CNTN5: variants seen among roughly 807,000 people sequenced by gnomAD.
CNTN5 encodes the protein contactin 5.
Under a neutral mutation model 129.1 loss-of-function variants are expected in CNTN5, and 77 were observed. The observed-to-expected ratio is 0.60, with a 90% CI of 0.50 to 0.72. CNTN5 has a LOEUF of 0.72. CNTN5 is among the 30% of genes least tolerant of loss of function. The probability of loss-of-function intolerance (pLI) is 0.00; values close to 1 mark genes in which losing one functional copy is unlikely to be tolerated. For synonymous variants in CNTN5, 509 were observed against 465.6 expected, an observed-to-expected ratio of 1.09 and a Z score of -1.20; for missense variants, 1,478 against 1,328.8, an observed-to-expected ratio of 1.11 and a Z score of -1.75.
chr11:99,697,243 G>C (rs1001312173), intron 3 of CNTN5, among the ~76,000 whole-genome samples: 7 of 151,834 alleles, frequency 4.6e-5, no homozygotes, highest in African/African-American at 1.7e-4. Context: ...TCTTCTGTGT[G>C]TTGTACATAG....
chr11:99,734,183 T>C (rs7104324), intron 3 of CNTN5, among the ~76,000 whole-genome samples: 84,536 of 152,028 alleles, frequency 0.56, 23,749 homozygotes, highest in East Asian at 0.77. Flanking sequence ...GTAATAATCA[T>C]ATCAGAGTCA....
At chr11:99,055,377 C>T (rs2135189683) in intron 1 of CNTN5, among the ~76,000 whole-genome samples, 1 of 152,124 alleles carries the variant, frequency 6.6e-6, no homozygotes, top group African/African-American at 2.4e-5. Flanking sequence ...TTCCTCTAAA[C>T]AAGAAAGAGA....
chr11:99,583,277 C>T (rs1949677459), intron 3 of CNTN5, among the ~76,000 whole-genome samples: 1 of 152,192 alleles, frequency 6.6e-6, no homozygotes, highest in Non-Finnish European at 1.5e-5. Flanking sequence ...GGTCAGGGAC[C>T]CACTTGAGGA....
chr11:100,053,142 A>G (rs1030654105), intron 9 of CNTN5, among the ~76,000 whole-genome samples: 1 of 151,688 alleles, frequency 6.6e-6, no homozygotes, highest in South Asian at 2.1e-4. Context: ...TTTTCTATGT[A>G]TTCTACAAAT....
chr11:100,354,298 A>G (rs939462799), intron 24 of CNTN5, among the ~76,000 whole-genome samples: 6 of 151,690 alleles, frequency 4.0e-5, no homozygotes, highest in Non-Finnish European at 7.4e-5. Context: ...TCCTGATGTT[A>G]GTATCTAAAA....
intron 7 of CNTN5, among the ~76,000 whole-genome samples, chr11:99,939,220 T>C (rs1229295445): frequency 6.6e-6 from 1 of 152,136 alleles, no homozygotes; most frequent in South Asian, 2.1e-4. Context: ...AGATCACAAG[T>C]ACCTTAAATA....
At chr11:99,184,729 T>C (rs1858251325) in intron 1 of CNTN5, among the ~76,000 whole-genome samples, 1 of 152,034 alleles carries the variant, frequency 6.6e-6, no homozygotes, top group Non-Finnish European at 1.5e-5. Flanking sequence ...TTAGAAACAA[T>C]GAACATCTGA....
intron 1 of CNTN5, among the ~76,000 whole-genome samples, chr11:99,114,201 G>A (rs1591213229): frequency 7.6e-6 from 1 of 131,274 alleles, no homozygotes; most frequent in East Asian, 2.5e-4. Context: ...TGTCTTTCTA[G>A]CTCTGCAGTA....
At chr11:100,220,185 G>C (rs1307170716) in intron 15 of CNTN5, among the ~76,000 whole-genome samples, 1 of 151,988 alleles carries the variant, frequency 6.6e-6, no homozygotes, top group Non-Finnish European at 1.5e-5. Context: ...GCTAAGGCAG[G>C]AGAATGGTGC....
intron 13 of CNTN5, among the ~76,000 whole-genome samples, chr11:100,153,231 T>G (rs184480446): frequency 6.6e-6 from 1 of 152,150 alleles, no homozygotes; most frequent in Non-Finnish European, 1.5e-5. Context: ...GATTGCATCA[T>G]TAACATTATT....
At chr11:99,044,461 C>T (rs906096700) in intron 1 of CNTN5, among the ~76,000 whole-genome samples, 1 of 152,094 alleles carries the variant, frequency 6.6e-6, no homozygotes, top group African/African-American at 2.4e-5. Flanking sequence ...CAAAAATGAG[C>T]AGTCTAGTCC....
chr11:99,393,465 T>C (rs1487696465), intron 2 of CNTN5, among the ~76,000 whole-genome samples: 3 of 151,776 alleles, frequency 2.0e-5, no homozygotes, highest in African/African-American at 7.2e-5. Context: ...TGGTAGGTAG[T>C]GTTGTCACCT....
chr11:99,816,009 C>G (rs2135537840), intron 3 of CNTN5, among the ~76,000 whole-genome samples: 1 of 152,238 alleles, frequency 6.6e-6, no homozygotes, highest in Non-Finnish European at 1.5e-5. Context: ...GAGCCTTCAA[C>G]TACACTGCCC....
chr11:100,032,722 G>C (rs1479889554), intron 9 of CNTN5, among the ~76,000 whole-genome samples: 1 of 152,066 alleles, frequency 6.6e-6, no homozygotes, highest in Non-Finnish European at 1.5e-5. Context: ...ACATTTGGGG[G>C]AAAGAAATTC....
Position 100,289,657 on chromosome 11 carries a change from C to T in CNTN5, c.2315-7968C>T, listed in dbSNP as rs370837147. Among the ~76,000 whole-genome samples, 143 of 151,136 alleles carry T rather than the reference C, an allele frequency of 9.5e-4. 2 individuals are homozygous for T. In the East Asian group the frequency reaches 0.01, roughly 11 times the overall value. ...GACAAACCCACAGCCAATATCATAC[C>T]GAATGGGCAAAAACTGGAAGCATTC... On this transcript the variant is annotated intron_variant, in intron 18 of 24. Transcript: ENST00000524871.
At chr11:99,742,511 T>G (rs1661907554) in intron 3 of CNTN5, among the ~76,000 whole-genome samples, 1 of 152,148 alleles carries the variant, frequency 6.6e-6, no homozygotes, top group African/African-American at 2.4e-5. Context: ...TAAATAGAGT[T>G]GTGGTAAGAA....
intron 9 of CNTN5, among the ~76,000 whole-genome samples, chr11:100,043,683 C>T (rs1942494774): frequency 6.6e-6 from 1 of 151,896 alleles, no homozygotes; most frequent in Admixed American, 6.6e-5. Context: ...CATTTTTTGC[C>T]TCCTGCAAAA....
chr11:99,216,302 A>G (rs1330004603), intron 1 of CNTN5, among the ~76,000 whole-genome samples: 1 of 151,932 alleles, frequency 6.6e-6, no homozygotes, highest in Non-Finnish European at 1.5e-5. Context: ...CTCCAATTCT[A>G]TCTGTGTTGT....
chr11:99,691,063 C>T (rs984271904), intron 3 of CNTN5, among the ~76,000 whole-genome samples: 1 of 151,686 alleles, frequency 6.6e-6, no homozygotes, highest in African/African-American at 2.4e-5. Context: ...TTATAATAGT[C>T]TCTGATGACT....
Sources: allele counts gnomAD v4.1 joint callset (sites outside exome capture counted in the v4.1 genomes callset), GRCh38; gene constraint gnomAD v4.1.1; transcripts MANE v1.5; gene names NCBI Gene and HGNC (gene_info 2026-07-23, HGNC 2026-07-21).